The following GALNTL6 variants were observed in gnomAD, a reference collection of about 807,000 sequenced individuals.
GALNTL6 encodes the protein polypeptide N-acetylgalactosaminyltransferase like 6.
A neutral mutation model predicts 73.7 loss-of-function variants in GALNTL6; 46 were observed. The ratio of observed to expected loss-of-function variants is 0.62; its 90% CI spans 0.49 to 0.80. The LOEUF (loss-of-function observed/expected upper bound fraction) is 0.80, where lower values mean the gene tolerates loss of function less well. Ranked by LOEUF, GALNTL6 falls within the 30% of genes least tolerant of loss-of-function variation. The pLI is 0.00. For synonymous variants in GALNTL6, 259 were observed against 263.7 expected, an observed-to-expected ratio of 0.98 and a Z score of 0.17; for missense variants, 604 against 755.0, an observed-to-expected ratio of 0.80 and a Z score of 2.34.
chr4:171,858,343 T>C (rs1735745040), intron 2 of GALNTL6, among the ~76,000 whole-genome samples: 1 of 152,126 alleles, frequency 6.6e-6, no homozygotes, highest in Non-Finnish European at 1.5e-5. Flanking sequence ...CAAAGGAGTT[T>C]TGAGTCATTT....
intron 5 of GALNTL6, among the ~76,000 whole-genome samples, chr4:172,575,172 A>G (rs1286219209): frequency 6.6e-6 from 1 of 152,220 alleles, no homozygotes; most frequent in African/African-American, 2.4e-5. Flanking sequence ...TGCATTGTGT[A>G]TACAATTCTT....
intron 2 of GALNTL6, among the ~76,000 whole-genome samples, chr4:172,226,899 G>A (rs559023104): frequency 1.3e-5 from 2 of 152,038 alleles, no homozygotes; most frequent in South Asian, 2.1e-4. Flanking sequence ...CTGTATCTCC[G>A]AAGGAACTTT....
rs1420340430 is a variant in GALNTL6 at position 172,307,314 on chromosome 4, A to T, written c.248-4300A>T. Among the ~76,000 whole-genome samples, 15 of 152,148 alleles carry T rather than the reference A, an allele frequency of 9.9e-5. No homozygotes were observed. The East Asian group carries it at 2.7e-3, about 27-fold the overall frequency. On this transcript the variant is annotated intron_variant, in intron 3 of 12. Coordinates refer to ENST00000506823, the MANE Select transcript of GALNTL6 (RefSeq NM_001034845.3). ...TTCCCACTCTGTTGGTTTTCTGTTT[A>T]CTCTGCTGATTATATCTTTCACTGC...
chr4:172,113,098 T>TA (rs1732899282), intron 2 of GALNTL6, among the ~76,000 whole-genome samples: 1 of 151,986 alleles, frequency 6.6e-6, no homozygotes, highest in Admixed American at 6.6e-5. Flanking sequence ...GTTAAGGGTC[T>TA]TAGCATTTTT....
intron 5 of GALNTL6, among the ~76,000 whole-genome samples, chr4:172,463,327 T>A (rs1375289833): frequency 2.1e-5 from 3 of 143,576 alleles, no homozygotes; most frequent in Non-Finnish European, 3.0e-5. Flanking sequence ...TCTCAGAAAA[T>A]GAGAGACAGA....
chr4:172,854,077 A>T (rs1359449546), intron 7 of GALNTL6, among the ~76,000 whole-genome samples: 1 of 152,010 alleles, frequency 6.6e-6, no homozygotes, highest in Non-Finnish European at 1.5e-5. Context: ...TCTATATTTA[A>T]GGCAAACTGT....
chr4:172,477,577 CTT>C (rs1425556038), intron 5 of GALNTL6, among the ~76,000 whole-genome samples: 1 of 152,148 alleles, frequency 6.6e-6, no homozygotes, highest in Admixed American at 6.5e-5. Context: ...TGGTAAAAGA[CTT>C]AACTGGCTGG....
intron 5 of GALNTL6, among the ~76,000 whole-genome samples, chr4:172,702,619 A>T (rs370477763): frequency 6.6e-6 from 1 of 151,960 alleles, no homozygotes; most frequent in South Asian, 2.1e-4. Context: ...TAGTGACCTT[A>T]TAAAACAGGC....
chr4:172,375,980 C>A (rs548898507), intron 5 of GALNTL6, among the ~76,000 whole-genome samples: 3 of 152,178 alleles, frequency 2.0e-5, no homozygotes, highest in Non-Finnish European at 4.4e-5. Context: ...TCCTCACTTA[C>A]ATGAATAGGA....
chr4:172,747,109 G>A (rs1420719284), intron 5 of GALNTL6, among the ~76,000 whole-genome samples: 1 of 152,026 alleles, frequency 6.6e-6, no homozygotes. Flanking sequence ...AAATAGTTAT[G>A]AGCAAATTTA....
chr4:172,162,134 A>G (rs1734489869), intron 2 of GALNTL6, among the ~76,000 whole-genome samples: 1 of 151,974 alleles, frequency 6.6e-6, no homozygotes. Context: ...AAAACTTTGT[A>G]GTAAAATGTA....
At chr4:172,280,126 T>C (rs905339491) in intron 3 of GALNTL6, among the ~76,000 whole-genome samples, 1 of 152,202 alleles carries the variant, frequency 6.6e-6, no homozygotes, top group African/African-American at 2.4e-5. Flanking sequence ...AGTTTTTGTT[T>C]TGCAAGAAGA....
At position 172,363,203 on chromosome 4, in the gene GALNTL6, G is replaced by T. The variant is rs75993086; in HGVS notation, c.553+14514G>T. Among the ~76,000 whole-genome samples the T allele has an allele frequency of 5.2e-4, 79 of 152,150 alleles. 1 individual carries two copies. The East Asian group carries it at 0.015, about 28-fold the overall frequency. ...CACATGGCATATATTTATCACCCCT[G>T]TGTTTTATTAAATAATGTTTTCACT... is the stretch of plus-strand genomic sequence containing the variant. On this transcript the variant is annotated intron_variant, in intron 5 of 12. Transcript: ENST00000506823.
At chr4:172,983,718 A>C (rs1751173344) in intron 10 of GALNTL6, among the ~76,000 whole-genome samples, 1 of 152,142 alleles carries the variant, frequency 6.6e-6, no homozygotes, top group Admixed American at 6.5e-5. Context: ...ATATATGAAT[A>C]ATAATAGTAC....
chr4:172,348,251 C>G (rs1741821421), intron 4 of GALNTL6, among the ~76,000 whole-genome samples: 1 of 152,132 alleles, frequency 6.6e-6, no homozygotes, highest in African/African-American at 2.4e-5. Context: ...AAATGTACAT[C>G]AACAAGAGCA....
intron 5 of GALNTL6, among the ~76,000 whole-genome samples, chr4:172,788,690 AAGAT>A (rs1179636677): frequency 1.3e-5 from 2 of 151,376 alleles, no homozygotes; most frequent in African/African-American, 2.4e-5. Context: ...AAAAAAAAAA[AAGAT>A]AGATAGATAG....
chr4:172,862,275 T>G (rs1194767001), intron 7 of GALNTL6, among the ~76,000 whole-genome samples: 1 of 152,184 alleles, frequency 6.6e-6, no homozygotes, highest in African/African-American at 2.4e-5. Flanking sequence ...ACTCTTGCTG[T>G]GCAAAGAGAC....
intron 2 of GALNTL6, among the ~76,000 whole-genome samples, chr4:172,204,062 C>T (rs1736033191): frequency 6.6e-6 from 1 of 152,032 alleles, no homozygotes; most frequent in African/African-American, 2.4e-5. Context: ...ATTTTTTTAA[C>T]TAAGTTAATG....
intron 5 of GALNTL6, among the ~76,000 whole-genome samples, chr4:172,612,619 C>A (rs1418351911): frequency 6.6e-6 from 1 of 152,018 alleles, no homozygotes; most frequent in Non-Finnish European, 1.5e-5. Context: ...TGAGAGATGA[C>A]TTGGAATGGC....
Sources: gnomAD v4.1 joint callset for allele counts (sites outside exome capture counted in the v4.1 genomes callset) on GRCh38, gnomAD v4.1.1 for gene constraint, MANE v1.5 for transcripts, NCBI Gene and HGNC (gene_info 2026-07-23, HGNC 2026-07-21) for gene names.